Variants in ENOX1 observed in about 807,000 individuals in gnomAD.
ENOX1 encodes the protein ecto-NOX disulfide-thiol exchanger 1.
A neutral mutation model predicts 82.5 loss-of-function variants in ENOX1; 42 were observed. The observed-to-expected ratio is 0.51, with a 90% confidence interval of 0.40 to 0.66. The LOEUF (loss-of-function observed/expected upper bound fraction) is 0.66, where lower values mean the gene tolerates loss of function less well. Among genes scored for constraint, ENOX1 ranks in the 30% least tolerant of loss-of-function variants. The pLI is 0.00. For missense variants in ENOX1, 608 were observed against 811.6 expected (o/e 0.75, Z 3.05); for synonymous variants, 271 against 282.2 (o/e 0.96, Z 0.40).
At chr13:43,303,643 C>A (rs547610739) in intron 11 of ENOX1, among the ~76,000 whole-genome samples, 1 of 152,254 alleles carries the variant, frequency 6.6e-6, no homozygotes, top group Non-Finnish European at 1.5e-5. Flanking sequence ...CCCAGAATAT[C>A]TGCCTTGGAC....
chr13:43,445,144 T>G (rs1234820759), intron 3 of ENOX1, among the ~76,000 whole-genome samples: 2 of 141,036 alleles, frequency 1.4e-5, no homozygotes, highest in South Asian at 2.3e-4. Flanking sequence ...TTTTTTTTGA[T>G]ACGGAGTCTT....
At chr13:43,529,864 C>A (rs1196554366) in intron 2 of ENOX1, among the ~76,000 whole-genome samples, 1 of 151,952 alleles carries the variant, frequency 6.6e-6, no homozygotes, top group African/African-American at 2.4e-5. Context: ...GTCTCTAGGC[C>A]CCAATTATAT....
chr13:43,721,428 G>T (rs1244488636), intron 1 of ENOX1, among the ~76,000 whole-genome samples: 1 of 131,658 alleles, frequency 7.6e-6, no homozygotes, highest in African/African-American at 3.0e-5. Flanking sequence ...GCCCAGGCTG[G>T]AGTGCAGTGG....
intron 2 of ENOX1, among the ~76,000 whole-genome samples, chr13:43,513,523 GTAA>G (rs75829588): frequency 0.015 from 2,225 of 152,180 alleles, 50 homozygotes; most frequent in East Asian, 0.098. Context: ...ACATCCTGAA[GTAA>G]TAATACACAA....
chr13:43,779,771 T>C (rs1952143778), intron 1 of ENOX1, among the ~76,000 whole-genome samples: 1 of 152,142 alleles, frequency 6.6e-6, no homozygotes, highest in African/African-American at 2.4e-5. Flanking sequence ...CATACCAACC[T>C]CCATGCACAG....
intron 1 of ENOX1, among the ~76,000 whole-genome samples, chr13:43,754,203 ATG>A (rs1404410112): frequency 4.1e-5 from 6 of 146,000 alleles, no homozygotes; most frequent in African/African-American, 1.5e-4. Context: ...ACATATGTAT[ATG>A]TATATATGTG....
intron 2 of ENOX1, among the ~76,000 whole-genome samples, chr13:43,654,489 A>G (rs2153779606): frequency 6.6e-6 from 1 of 152,320 alleles, no homozygotes; most frequent in Non-Finnish European, 1.5e-5. Context: ...ACAGGATTCA[A>G]AGGGATTTTC....
chr13:43,667,972 C>T (rs916921914), intron 1 of ENOX1, among the ~76,000 whole-genome samples: 4 of 152,064 alleles, frequency 2.6e-5, no homozygotes, highest in East Asian at 1.9e-4. Context: ...TGGTATCAGA[C>T]GTACTGTTTT....
At chr13:43,452,666 G>T (rs959238508) in intron 3 of ENOX1, among the ~76,000 whole-genome samples, 5 of 152,078 alleles carry the variant, frequency 3.3e-5, no homozygotes, top group African/African-American at 1.2e-4. Context: ...GGGATTACAG[G>T]TGCCCGCCAC....
intron 3 of ENOX1, among the ~76,000 whole-genome samples, chr13:43,427,576 T>C (rs2055394671): frequency 6.6e-6 from 1 of 152,166 alleles, no homozygotes; most frequent in African/African-American, 2.4e-5. Context: ...TAAAGGTTAG[T>C]TCCATCCCTG....
chr13:43,669,003 T>A (rs1341786293), intron 1 of ENOX1, among the ~76,000 whole-genome samples: 1 of 152,162 alleles, frequency 6.6e-6, no homozygotes, highest in Non-Finnish European at 1.5e-5. Flanking sequence ...TAGGAACACG[T>A]CTCTTCCCTT....
At chr13:43,368,080 A>G (rs963048741) in intron 5 of ENOX1, among the ~76,000 whole-genome samples, 8 of 152,196 alleles carry the variant, frequency 5.3e-5, no homozygotes, top group African/African-American at 1.7e-4. Flanking sequence ...ATGCCTACAA[A>G]CCAGATCTTT....
intron 1 of ENOX1, among the ~76,000 whole-genome samples, chr13:43,767,096 C>A (rs9595013): frequency 0.094 from 14,233 of 152,124 alleles, 1,107 homozygotes; most frequent in African/African-American, 0.21. Flanking sequence ...ATGAAGGATA[C>A]GATATGAAAT....
intron 2 of ENOX1, among the ~76,000 whole-genome samples, chr13:43,633,283 T>C (rs563750446): frequency 1.3e-5 from 2 of 152,344 alleles, no homozygotes; most frequent in Admixed American, 1.3e-4. Context: ...GGCATTTTCA[T>C]AGACCATTGA....
intron 5 of ENOX1, among the ~76,000 whole-genome samples, chr13:43,370,354 G>C (rs1007761671): frequency 6.6e-6 from 1 of 151,668 alleles, no homozygotes. Flanking sequence ...GCAACACAGC[G>C]AGACTCCATC....
rs184390936 is a variant in ENOX1 at position 43,764,823 on chromosome 13, C to T, written c.-285+21829G>A. Reference sequence around the variant, plus strand: ...GTGAACAAAAAAGTTACTTTTCAATCAGAAGAAACAGCTTAAAAAACACTG... The same window carrying T: ...GTGAACAAAAAAGTTACTTTTCAATTAGAAGAAACAGCTTAAAAAACACTG... On this transcript the variant is annotated intron_variant, in intron 1 of 16. Coordinates refer to ENST00000690772, the MANE Select transcript of ENOX1 (RefSeq NM_001347969.2). Among the ~76,000 whole-genome samples the T allele has an allele frequency of 2.2e-3, 333 of 152,274 alleles. 3 individuals carry two copies. Among genetic ancestry groups the T allele is most frequent in the African/African-American group, 7.7e-3 (320 of 41,552 alleles).
chr13:43,500,271 TA>T (rs1167190508), intron 2 of ENOX1, among the ~76,000 whole-genome samples: 3 of 152,126 alleles, frequency 2.0e-5, no homozygotes, highest in African/African-American at 7.2e-5. Context: ...AGGTGGAACC[TA>T]AAGAGTTCTA....
chr13:43,776,102 A>G (rs1951901915), intron 1 of ENOX1, among the ~76,000 whole-genome samples: 1 of 152,244 alleles, frequency 6.6e-6, no homozygotes, highest in African/African-American at 2.4e-5. Flanking sequence ...AGCCAAACCA[A>G]ACCCTATGGA....
intron 12 of ENOX1, among the ~76,000 whole-genome samples, chr13:43,287,295 C>G (rs1476293738): frequency 6.6e-6 from 1 of 152,186 alleles, no homozygotes; most frequent in African/African-American, 2.4e-5. Context: ...CTAGACTTGT[C>G]CCGACTAACT....
Sources: gnomAD v4.1 joint callset for allele counts (sites outside exome capture counted in the v4.1 genomes callset) on GRCh38, gnomAD v4.1.1 for gene constraint, MANE v1.5 for transcripts, NCBI Gene and HGNC (gene_info 2026-07-23, HGNC 2026-07-21) for gene names.